UBA6: variants seen among roughly 807,000 people sequenced by gnomAD.
UBA6 encodes the protein ubiquitin like modifier activating enzyme 6, also known as ubiquitin-like modifier-activating enzyme 6.
A neutral mutation model predicts 148.3 loss-of-function variants in UBA6; 87 were observed. The observed-to-expected ratio is 0.59, with a 90% CI of 0.49 to 0.70. The LOEUF is 0.70. UBA6 is among the 30% of genes least tolerant of loss of function. The pLI, the probability that UBA6 is intolerant of heterozygous loss-of-function variation, is 0.00. For synonymous variants in UBA6, 376 were observed against 401.0 expected, an observed-to-expected ratio of 0.94 and a Z score of 0.75; for missense variants, 1,186 against 1,241.2, an observed-to-expected ratio of 0.96 and a Z score of 0.67.
In UBA6 at chr4:67,681,633, T is replaced by TACAC. The variant is rs1439107443; in HGVS notation, c.230-46_230-43dup. On this transcript the variant is annotated intron_variant, in intron 3 of 32. Transcript: ENST00000322244. ...AAAAGGAATAGCTCAATATTGGGAA[T>TACAC]ACACACTAGATATGTCTTCACAGAG... The TACAC allele has an allele frequency of 4.2e-6, 6 of 1,428,160 alleles. No individual in the cohort carries two copies. In the African/African-American group the frequency reaches 7.3e-5, roughly 17 times the overall value. The allele number at this position is 1,428,160 out of a possible 1,614,324, so 88.5% of individuals were successfully genotyped here.
rs74755123 is a variant in UBA6, at chr4:67,635,601, T to A, written c.1737-43A>T. The stretch of plus-strand genomic sequence containing the variant: ...AAGTAAAAAACAAAAAAGTGAGCAA[T>A]AACAATGTAACCAAAGGACAACCTA... On this transcript the variant is annotated intron_variant, in intron 19 of 32. Transcript: ENST00000322244. The A allele has an allele frequency of 4.7e-3, 5,615 of 1,199,140 alleles. 209 individuals carry two copies. The African/African-American group carries it at 0.073, about 16-fold the overall frequency. The allele number at this position is 1,199,140 out of a possible 1,614,324, so 74.3% of individuals were successfully genotyped here. A position where few individuals can be genotyped will look rare whatever the true frequency, so the allele number is the denominator to read the frequency against.
chr4:67,693,054 T>A (rs768703540), intron 2 of UBA6, among the ~76,000 whole-genome samples: 11 of 152,224 alleles, frequency 7.2e-5, no homozygotes, highest in Admixed American at 1.3e-4. Flanking sequence ...GCAAAAAAAG[T>A]CACATAGTAG....
chr4:67,643,990 G>A (rs1411017443), intron 17 of UBA6, among the ~76,000 whole-genome samples: 2 of 152,030 alleles, frequency 1.3e-5, no homozygotes, highest in Non-Finnish European at 2.9e-5. Flanking sequence ...TGTTAACTAT[G>A]ATAGTAATGT....
At chr4:67,678,118 TATATA>T (rs1432237571) in intron 5 of UBA6, among the ~76,000 whole-genome samples, 2 of 126,128 alleles carry the variant, frequency 1.6e-5, no homozygotes, top group Non-Finnish European at 3.5e-5. Context: ...TAATATATAT[TATATA>T]ATACATATTA....
chr4:67,636,804 C>T (rs1418850691), intron 19 of UBA6, among the ~76,000 whole-genome samples: 2 of 152,274 alleles, frequency 1.3e-5, no homozygotes, highest in Non-Finnish European at 2.9e-5. Flanking sequence ...AGCCTCTGCC[C>T]GGCCGCCACC....
chr4:67,693,012 T>C (rs1394976932), intron 2 of UBA6, among the ~76,000 whole-genome samples: 1 of 152,160 alleles, frequency 6.6e-6, no homozygotes, highest in Non-Finnish European at 1.5e-5. Flanking sequence ...AGGATCAGTA[T>C]TGTATAGAAA....
intron 13 of UBA6, among the ~76,000 whole-genome samples, chr4:67,656,997 G>A (rs1289189991): frequency 6.6e-6 from 1 of 152,136 alleles, no homozygotes; most frequent in African/African-American, 2.4e-5. Flanking sequence ...CCTCCTCAAG[G>A]AGAAGTACAA....
At chr4:67,693,216 G>A (rs1156809047) in intron 2 of UBA6, among the ~76,000 whole-genome samples, 2 of 151,890 alleles carry the variant, frequency 1.3e-5, no homozygotes, top group Non-Finnish European at 2.9e-5. Flanking sequence ...CAACAAAGAT[G>A]AAGACCTTTA....
chr4:67,653,356 G>A (rs1183713573), intron 13 of UBA6, among the ~76,000 whole-genome samples: 1 of 152,074 alleles, frequency 6.6e-6, no homozygotes, highest in Non-Finnish European at 1.5e-5. Context: ...AATATTTGCT[G>A]TTTTGCAGCC....
chr4:67,629,515 G>GT (rs1178977695), intron 26 of UBA6, among the ~76,000 whole-genome samples: 1 of 151,940 alleles, frequency 6.6e-6, no homozygotes, highest in Non-Finnish European at 1.5e-5. Context: ...GTTCCCTGAA[G>GT]TAAGTTATAC....
intron 27 of UBA6, among the ~76,000 whole-genome samples, chr4:67,628,031 G>A (rs34408826): frequency 0.2 from 30,114 of 147,314 alleles, 3,284 homozygotes; most frequent in Middle Eastern, 0.31. Flanking sequence ...TACCACCCAA[G>A]CAGCTAAATT....
intron 13 of UBA6, 46 bp from the exon 14 acceptor site, chr4:67,649,257 C>T (rs1018319624): frequency 2.6e-6 from 4 of 1,526,010 alleles, no homozygotes; most frequent in Non-Finnish European, 3.5e-6. Context: ...AGCATTTACA[C>T]AGTACACTTA....
Position 67,616,204 on chromosome 4 carries a change from T to A in UBA6, c.*2793A>T, listed in dbSNP as rs932782895. 117 of 396,282 alleles carry A rather than the reference T, an allele frequency of 3.0e-4. 1 individual carries two copies. Among genetic ancestry groups the A allele is most frequent in the Middle Eastern group, 1.9e-3 (3 of 1,598 alleles). The allele number at this position is 396,282 out of a possible 1,614,324, so 24.5% of individuals were successfully genotyped here. On this transcript the variant is annotated 3_prime_UTR_variant, in exon 33 of 33. Transcript: ENST00000322244. ...AGCATTCAGATTATATGTTTTTGAA[T>A]CTATGAAAAGTAAAATCGCTAAATC... is the stretch of plus-strand genomic sequence containing the variant.
At chr4:67,668,424 G>A (rs1577825321) in intron 9 of UBA6, 127 bp downstream of exon 9, 10 of 816,210 alleles carry the variant, frequency 1.2e-5, no homozygotes, top group East Asian at 1.0e-4. Context: ...CACTTGGATC[G>A]AATATTTTGA....
intron 27 of UBA6, among the ~76,000 whole-genome samples, chr4:67,627,507 G>C (rs1024428060): frequency 6.6e-6 from 1 of 151,812 alleles, no homozygotes. Flanking sequence ...GAGCAATAAC[G>C]GAAAGTAAAG....
intron 10 of UBA6, 96 bp downstream of exon 10, chr4:67,665,093 C>T: frequency 1.5e-6 from 1 of 651,818 alleles, no homozygotes; most frequent in Non-Finnish European, 2.5e-6. Context: ...TTCTGTTCCA[C>T]ATTTAATCTG....
rs1048447 is a variant in UBA6 at position 67,617,754 on chromosome 4, A to G, written c.*1243T>C. The G allele has an allele frequency of 0.15, 22,883 of 152,048 alleles. 1,788 individuals carry two copies. Among genetic ancestry groups the G allele is most frequent in the South Asian group, 0.22 (1,081 of 4,826 alleles). The allele number at this position is 152,048 out of a possible 1,614,324, so 9.4% of individuals were successfully genotyped here. On this transcript the variant is annotated 3_prime_UTR_variant, in exon 33 of 33. Transcript: ENST00000322244. ...ATGGTCTGAGCAGGAGAGTAGAAGG[A>G]AAGGAGCTAGAGGGAAATTACTTCC... is the stretch of plus-strand genomic sequence containing the variant.
intron 6 of UBA6, among the ~76,000 whole-genome samples, chr4:67,675,963 A>G (rs7657950): frequency 0.39 from 57,507 of 148,994 alleles, 11,070 homozygotes; most frequent in Middle Eastern, 0.51. Flanking sequence ...GATTTGTTTA[A>G]TTTTGTTTTT....
At position 67,616,097 on chromosome 4, in the gene UBA6, G is replaced by C. The variant is rs2109887958; in HGVS notation, c.*2900C>G. Reference sequence around the variant, plus strand: ...AATAAAAAAACAAAGTTATGACATAGAGCAAAATGAACACATATTATCAAT... The same window carrying C: ...AATAAAAAAACAAAGTTATGACATACAGCAAAATGAACACATATTATCAAT... On this transcript the variant is annotated 3_prime_UTR_variant, in exon 33 of 33. Coordinates refer to ENST00000322244, the MANE Select transcript of UBA6 (RefSeq NM_018227.6). 4 of 394,802 alleles carry C rather than the reference G, an allele frequency of 1.0e-5. No homozygotes were observed. Among genetic ancestry groups the C allele is most frequent in the South Asian group, 1.3e-4 (1 of 7,786 alleles). 24.5% of individuals were successfully genotyped at this position (394,802 alleles called of 1,614,324 possible). A position where few individuals can be genotyped will look rare whatever the true frequency, so the allele number is the denominator to read the frequency against.
Sources: gnomAD v4.1 joint callset for allele counts (sites outside exome capture counted in the v4.1 genomes callset) on GRCh38, gnomAD v4.1.1 for gene constraint, MANE v1.5 for transcripts, NCBI Gene and HGNC (gene_info 2026-07-23, HGNC 2026-07-21) for gene names.